The following MDH2 variants were observed in gnomAD, a reference collection of about 807,000 sequenced individuals.
MDH2 encodes the protein malate dehydrogenase, mitochondrial.
In MDH2, 25 loss-of-function variants were observed where a neutral mutation model predicts 33.6. That is an observed-to-expected ratio of 0.74 (90% CI 0.54 to 1.04). MDH2 has a LOEUF of 1.04. MDH2 is among the 50% of genes least tolerant of loss of function. The probability of loss-of-function intolerance (pLI) is 0.00; values close to 1 mark genes in which losing one functional copy is unlikely to be tolerated. For synonymous variants in MDH2, 193 were observed against 188.7 expected, an observed-to-expected ratio of 1.02 and a Z score of -0.19; for missense variants, 432 against 445.0, an observed-to-expected ratio of 0.97 and a Z score of 0.26.
Position 76,057,601 on chromosome 7 carries a change from AT to A in MDH2, c.319+109del, listed in dbSNP as rs544814621. 5.6e-4 allele frequency: 619 copies of A among 1,105,238 alleles called. 4 individuals are homozygous for A. The African/African-American group carries it at 8.3e-3, about 15-fold the overall frequency. 68.5% of individuals were successfully genotyped at this position (1,105,238 alleles called of 1,614,324 possible). ...ATCTGGTTGCTTTGTTGTAGGAAAAATGTCACCAGCTCCCCTTTCCTGTGGG... is the reference window on the plus strand; with the variant it reads ...ATCTGGTTGCTTTGTTGTAGGAAAAAGTCACCAGCTCCCCTTTCCTGTGGG... On this transcript the variant is annotated intron_variant, in intron 3 of 8. Coordinates refer to ENST00000315758, the MANE Select transcript of MDH2 (RefSeq NM_005918.4).
At chr7:76,065,787 A>G (rs1798079221) in intron 8 of MDH2, among the ~76,000 whole-genome samples, 1 of 152,200 alleles carries the variant, frequency 6.6e-6, no homozygotes, top group Non-Finnish European at 1.5e-5. Context: ...TGTTTTTGCC[A>G]ATGTCAGACA....
chr7:76,064,918 G>C lies in MDH2; in HGVS notation c.850G>C (p.Glu284Gln). The change falls in exon 8 of 9, where the codon GAA becomes CAA. Residue 284 changes from glutamate (E) to glutamine (Q), a missense_variant. Glu to Gln is a conservative substitution (Grantham distance 29). Coordinates refer to ENST00000315758, the MANE Select transcript of MDH2 (RefSeq NM_005918.4). ...TTCCTTCGTTAAGTCACAGGAAACG[G>C]AATGTACCTACTTCTCCACACCGCT... is the stretch of plus-strand genomic sequence containing the variant. The part of the protein sequence containing the change: ...ECSFVKSQET[E>Q]CTYFSTPLLL... 1.2e-6 allele frequency: 2 copies of C among 1,614,178 alleles called. No individual in the cohort carries two copies. Among genetic ancestry groups the C allele is most frequent in the African/African-American group, 1.3e-5 (1 of 75,048 alleles).
intron 5 of MDH2, 56 bp downstream of exon 5, chr7:76,060,554 G>T (rs1322825120): frequency 3.1e-6 from 5 of 1,600,560 alleles, no homozygotes; most frequent in Middle Eastern, 1.7e-4. Flanking sequence ...CCCGCCACCC[G>T]TGCTCATTTA....
Position 76,064,792 on chromosome 7 carries a change from G to GC in MDH2, c.734-4dup, listed in dbSNP as rs1554587575. 6.2e-6 allele frequency: 10 copies of GC among 1,612,056 alleles called. No homozygotes were observed. The highest frequency in any genetic ancestry group is 3.3e-5 in the Admixed American group (2 of 59,944). ...GCACCAGCCAGGCTGACCTGTCTGT[G>GC]CCCCCCTAGGCTCTGCCACCCTCTC... On this transcript the variant is annotated splice_polypyrimidine_tract_variant and intron_variant, in intron 7 of 8. Coordinates refer to ENST00000315758, the MANE Select transcript of MDH2 (RefSeq NM_005918.4).
At position 76,048,215 on chromosome 7, in the gene MDH2, A is replaced by C. The variant is rs1294540885; in HGVS notation, c.55A>C (p.Thr19Pro). ...ASAALRRSFSTSAQNNAKVAV... is the reference protein window; with the variant it reads ...ASAALRRSFSPSAQNNAKVAV... ...CGCTGCTCTCCGCCGCAGCTTCAGCACCTCGGCCCAGGTAGGCCAGACGAG... is the reference window on the plus strand; with the variant it reads ...CGCTGCTCTCCGCCGCAGCTTCAGCCCCTCGGCCCAGGTAGGCCAGACGAG... The change falls in exon 1 of 9, where the codon ACC (threonine) becomes CCC (proline). Residue 19 changes from threonine to proline, a missense_variant. Thr to Pro is a conservative substitution (Grantham distance 38). Coordinates refer to ENST00000315758, the MANE Select transcript of MDH2 (RefSeq NM_005918.4). 22 of 1,535,312 alleles carry C rather than the reference A, an allele frequency of 1.4e-5. No individual in the cohort carries two copies. The highest frequency in any genetic ancestry group is 3.9e-5 in the Admixed American group (2 of 51,024).
chr7:76,060,887 G>T (rs1395284299), intron 5 of MDH2, among the ~76,000 whole-genome samples: 1 of 151,802 alleles, frequency 6.6e-6, no homozygotes, highest in African/African-American at 2.4e-5. Flanking sequence ...GATAAAGGGT[G>T]GGAAAATTAG....
chr7:76,058,318 G>T, intron 4 of MDH2: 1 of 495,114 alleles, frequency 2.0e-6, no homozygotes, highest in Non-Finnish European at 3.6e-6. Flanking sequence ...CTTGTGCTGT[G>T]GGCAGACCAC....
chr7:76,064,201 TTTC>T, intron 6 of MDH2, 135 bp from the exon 7 acceptor site: 1 of 603,516 alleles, frequency 1.7e-6, no homozygotes, highest in Non-Finnish European at 2.9e-6. Context: ...AGGTTTTCTT[TTTC>T]TTCTTTATAG....
At chr7:76,065,050 C>T (rs1401746093) in intron 8 of MDH2, 97 bp downstream of exon 8, 1 of 1,407,228 alleles carries the variant, frequency 7.1e-7, no homozygotes, top group African/African-American at 1.4e-5. Context: ...ATGCAGTAAG[C>T]TCATGTGCCT....
At position 76,066,260 on chromosome 7, in the gene MDH2, A is replaced by T. The variant is rs1224756379; in HGVS notation, c.886-19A>T. On this transcript the variant is annotated intron_variant, in intron 8 of 8. Transcript: ENST00000315758. Reference sequence around the variant, plus strand: ...ACTTTCCTGGAAACTTCATTTTAACATGTTCCCATCTCCCTCAGAAAAAGG... The same window carrying T: ...ACTTTCCTGGAAACTTCATTTTAACTTGTTCCCATCTCCCTCAGAAAAAGG... 3 of 1,601,406 alleles carry T rather than the reference A, an allele frequency of 1.9e-6. No homozygotes were observed. Among genetic ancestry groups the T allele is most frequent in the Non-Finnish European group, 1.7e-6 (2 of 1,173,984 alleles).
In MDH2 at chr7:76,067,488, C is replaced by T. The variant is rs1297504568; in HGVS notation, c.*1078C>T. The T allele has an allele frequency of 1.3e-5, 2 of 152,108 alleles. No individual in the cohort carries two copies. Among genetic ancestry groups the T allele is most frequent in the East Asian group, 1.9e-4 (1 of 5,194 alleles). The allele number at this position is 152,108 out of a possible 1,614,324, so 9.4% of individuals were successfully genotyped here. ...CCCAAAAAGCAGCTAAAAAATAAAG[C>T]GGGAAAGGAACTACTGGTAATACTT... is the stretch of plus-strand genomic sequence containing the variant. On this transcript the variant is annotated 3_prime_UTR_variant, in exon 9 of 9. Coordinates refer to ENST00000315758, the MANE Select transcript of MDH2 (RefSeq NM_005918.4).
Position 76,054,437 on chromosome 7 carries a change from G to A in MDH2, c.67-393G>A, listed in dbSNP as rs574679048. ...TCATTACCTGTCTCCTACAGAGCCA[G>A]CAGGGATCTTCCTGCAACCTCAGTT... On this transcript the variant is annotated intron_variant, in intron 1 of 8. Transcript: ENST00000315758. The A allele has an allele frequency of 2.3e-5, 6 of 265,768 alleles. 1 individual carries two copies. The South Asian group carries it at 2.3e-4, about 10-fold the overall frequency. The allele number at this position is 265,768 out of a possible 1,614,324, so 16.5% of individuals were successfully genotyped here.
At chr7:76,052,151 G>A (rs781916683) in intron 1 of MDH2, among the ~76,000 whole-genome samples, 7 of 152,046 alleles carry the variant, frequency 4.6e-5, no homozygotes, top group East Asian at 1.9e-4. Flanking sequence ...GGCACAGGTC[G>A]GTCCATTTCT....
At position 76,052,562 on chromosome 7, in the gene MDH2, ATTTT is replaced by A. The variant is rs781982527; in HGVS notation, c.67-2252_67-2249del. The stretch of plus-strand genomic sequence containing the variant: ...GATGGAGGCATGAAAGCTTTGGAAG[ATTTT>A]TTTTTTTTTTTTTTTGAGATAGACT... On this transcript the variant is annotated intron_variant, in intron 1 of 8. Coordinates refer to ENST00000315758, the MANE Select transcript of MDH2 (RefSeq NM_005918.4). Among the ~76,000 whole-genome samples, 786 of 133,198 alleles carry A rather than the reference ATTTT, an allele frequency of 5.9e-3. 5 individuals carry two copies. Among genetic ancestry groups the A allele is most frequent in the African/African-American group, 0.021 (762 of 36,284 alleles). The allele number at this position is 133,198 out of a possible 152,430, so 87.4% of individuals were successfully genotyped here.
chr7:76,048,741 T>TCAGGTCAGA (rs1797432829), intron 1 of MDH2: 12 of 1,231,716 alleles, frequency 9.7e-6, no homozygotes, highest in Non-Finnish European at 1.1e-5. Flanking sequence ...TCAGCGCTTC[T>TCAGGTCAGA]GACCTGAAGA....
chr7:76,051,312 C>T (rs1215754542), intron 1 of MDH2, among the ~76,000 whole-genome samples: 1 of 148,320 alleles, frequency 6.7e-6, no homozygotes, highest in East Asian at 2.0e-4. Context: ...GGTCTCCAGA[C>T]TTTGGATTTT....
chr7:76,064,913 A>G lies in MDH2; in HGVS notation c.845A>G (p.Glu282Gly), dbSNP rs1798054658. ...GAATGTTCCTTCGTTAAGTCACAGG[A>G]AACGGAATGTACCTACTTCTCCACA... ...VVECSFVKSQ[E>G]TECTYFSTPL... The change falls in exon 8 of 9, where the codon GAA becomes GGA. Residue 282 changes from glutamate to glycine, a missense_variant. Glu to Gly is a moderately conservative substitution (Grantham distance 98). Coordinates refer to ENST00000315758, the MANE Select transcript of MDH2 (RefSeq NM_005918.4). The G allele has an allele frequency of 1.2e-6, 2 of 1,614,172 alleles. No individual in the cohort carries two copies. Among genetic ancestry groups the G allele is most frequent in the Non-Finnish European group, 1.7e-6 (2 of 1,180,034 alleles).
At chr7:76,056,642 A>G (rs1554586318) in intron 2 of MDH2, among the ~76,000 whole-genome samples, 2 of 152,230 alleles carry the variant, frequency 1.3e-5, no homozygotes, top group Non-Finnish European at 2.9e-5. Flanking sequence ...CCTTCAGATG[A>G]TAGGAGTAAA....
intron 1 of MDH2, among the ~76,000 whole-genome samples, chr7:76,051,081 C>T (rs1046797657): frequency 1.3e-5 from 2 of 151,990 alleles, no homozygotes; most frequent in Admixed American, 1.3e-4. Flanking sequence ...GATGGGGTTT[C>T]GCCATGTTGG....
Sources: allele counts gnomAD v4.1 joint callset (sites outside exome capture counted in the v4.1 genomes callset), GRCh38; gene constraint gnomAD v4.1.1; transcripts MANE v1.5; gene names NCBI Gene and HGNC (gene_info 2026-07-23, HGNC 2026-07-21).